UNC5D: variants seen among roughly 807,000 people sequenced by gnomAD.
The protein encoded by UNC5D is unc-5 netrin receptor D.
A neutral mutation model predicts 105.4 loss-of-function variants in UNC5D; 39 were observed. The observed-to-expected ratio is 0.37, with a 90% CI of 0.29 to 0.48. The LOEUF is 0.48. UNC5D is among the 20% of genes least tolerant of loss of function. The pLI is 0.98. For missense variants in UNC5D, 991 were observed against 1,202.4 expected (o/e 0.82, Z 2.60); for synonymous variants, 452 against 450.4 (o/e 1.00, Z -0.04).
intron 1 of UNC5D, among the ~76,000 whole-genome samples, chr8:35,243,272 T>C (rs978056806): frequency 6.6e-6 from 1 of 152,166 alleles, no homozygotes; most frequent in Non-Finnish European, 1.5e-5. Flanking sequence ...AAAACACAAA[T>C]GTCAATTTTA....
chr8:35,373,257 A>G (rs1802522454), intron 1 of UNC5D, among the ~76,000 whole-genome samples: 1 of 152,226 alleles, frequency 6.6e-6, no homozygotes. Flanking sequence ...ATAAGAGTGC[A>G]CAGTGAAATG....
chr8:35,415,117 G>A (rs1056982220), intron 1 of UNC5D, among the ~76,000 whole-genome samples: 23 of 152,094 alleles, frequency 1.5e-4, no homozygotes, highest in African/African-American at 5.3e-4. Flanking sequence ...TAGGAATTCT[G>A]CAGAGAGTAT....
chr8:35,308,568 C>T (rs1808618571), intron 1 of UNC5D, among the ~76,000 whole-genome samples: 1 of 152,120 alleles, frequency 6.6e-6, no homozygotes, highest in African/African-American at 2.4e-5. Flanking sequence ...ATCTCTTCAG[C>T]TTTATTAGAA....
intron 9 of UNC5D, among the ~76,000 whole-genome samples, chr8:35,725,256 G>A (rs927424411): frequency 2.0e-5 from 3 of 152,172 alleles, no homozygotes; most frequent in Admixed American, 2.0e-4. Flanking sequence ...ACTGATATGG[G>A]TGTGAAGCTT....
chr8:35,522,519 G>A (rs893112661), intron 1 of UNC5D, among the ~76,000 whole-genome samples: 3 of 152,176 alleles, frequency 2.0e-5, no homozygotes, highest in Non-Finnish European at 2.9e-5. Context: ...TTTTTGCAAA[G>A]AGAGGAAGTT....
intron 1 of UNC5D, among the ~76,000 whole-genome samples, chr8:35,312,670 T>C (rs1808984470): frequency 6.6e-6 from 1 of 152,136 alleles, no homozygotes; most frequent in African/African-American, 2.4e-5. Flanking sequence ...TCTCAGAATA[T>C]TTAGGAACCC....
chr8:35,705,189 C>T (rs544525234), intron 7 of UNC5D, among the ~76,000 whole-genome samples: 3 of 152,264 alleles, frequency 2.0e-5, no homozygotes, highest in Non-Finnish European at 2.9e-5. Flanking sequence ...TGGTCTCGAT[C>T]TCCTGACCTC....
At chr8:35,370,387 T>G (rs1802363330) in intron 1 of UNC5D, among the ~76,000 whole-genome samples, 1 of 152,242 alleles carries the variant, frequency 6.6e-6, no homozygotes. Context: ...CAATGAATCT[T>G]TAATATAACA....
Position 35,286,696 on chromosome 8 carries a change from T to C in UNC5D, c.103+50809T>C, listed in dbSNP as rs139094337. On this transcript the variant is annotated intron_variant, in intron 1 of 16. Transcript: ENST00000404895. ...GCAGTTGCAGGTCAGTGATTACCCA[T>C]GGAAAGAGCATCTGGCCACCACCAA... Among the ~76,000 whole-genome samples the C allele has an allele frequency of 1.1e-4, 16 of 152,268 alleles. No homozygotes were observed. The East Asian group carries it at 1.5e-3, about 15-fold the overall frequency.
At chr8:35,603,896 G>T (rs1820077813) in intron 4 of UNC5D, among the ~76,000 whole-genome samples, 1 of 151,876 alleles carries the variant, frequency 6.6e-6, no homozygotes, top group African/African-American at 2.4e-5. Context: ...CATTTGCTTG[G>T]TAGATCTTCC....
At position 35,726,423 on chromosome 8, in the gene UNC5D, T is replaced by C. The variant is rs372034876; in HGVS notation, c.1575T>C (p.Asn525=). 7 of 1,613,978 alleles carry C rather than the reference T, an allele frequency of 4.3e-6. No individual in the cohort carries two copies. The highest frequency in any genetic ancestry group is 5.9e-6 in the Non-Finnish European group (7 of 1,180,036). The stretch of plus-strand genomic sequence containing the variant: ...GCTTTAGTACAATGCATCCCAGAAA[T>C]AAAATGCCCTACATCCAAAATCTGT... ...NHSFSTMHPR[N]KMPYIQNLSS... is the part of the protein sequence containing the mutation. The change falls in exon 10 of 17, where the codon AAT becomes AAC. Residue 525 remains asparagine, a synonymous_variant. Coordinates refer to ENST00000404895, the MANE Select transcript of UNC5D (RefSeq NM_080872.4).
At chr8:35,414,903 A>G (rs572957586) in intron 1 of UNC5D, among the ~76,000 whole-genome samples, 1 of 151,954 alleles carries the variant, frequency 6.6e-6, no homozygotes, top group South Asian at 2.1e-4. Context: ...AAGACTCATT[A>G]TTTTTCTCTA....
intron 14 of UNC5D, among the ~76,000 whole-genome samples, chr8:35,760,722 C>T (rs1311751725): frequency 6.6e-6 from 1 of 152,064 alleles, no homozygotes; most frequent in Non-Finnish European, 1.5e-5. Context: ...TTTTACCCAT[C>T]AGCATAATGT....
intron 1 of UNC5D, among the ~76,000 whole-genome samples, chr8:35,419,272 T>C (rs1454046148): frequency 5.3e-5 from 8 of 152,200 alleles, no homozygotes; most frequent in Admixed American, 5.2e-4. Flanking sequence ...CAGAAATCTC[T>C]GCGGCCAGTG....
chr8:35,409,197 T>A (rs972238553), intron 1 of UNC5D, among the ~76,000 whole-genome samples: 1 of 152,108 alleles, frequency 6.6e-6, no homozygotes, highest in African/African-American at 2.4e-5. Context: ...ATAATGCTGC[T>A]TTAAAAATTC....
At chr8:35,600,138 T>C (rs1374689751) in intron 4 of UNC5D, among the ~76,000 whole-genome samples, 2 of 152,202 alleles carry the variant, frequency 1.3e-5, no homozygotes, top group Admixed American at 1.3e-4. Flanking sequence ...GAACTCATCA[T>C]TTTTTATGGC....
chr8:35,645,351 T>A (rs1822982895), intron 4 of UNC5D, among the ~76,000 whole-genome samples: 1 of 152,202 alleles, frequency 6.6e-6, no homozygotes, highest in Admixed American at 6.5e-5. Context: ...ATTGAATCCA[T>A]TGGCGTGCAT....
chr8:35,757,274 C>T (rs1191684923), intron 13 of UNC5D, among the ~76,000 whole-genome samples: 1 of 152,008 alleles, frequency 6.6e-6, no homozygotes, highest in Non-Finnish European at 1.5e-5. Flanking sequence ...ATACAAAGTC[C>T]TTAGCATAGC....
chr8:35,738,115 GAAAA>G (rs1354857799), intron 11 of UNC5D, among the ~76,000 whole-genome samples: 1 of 151,764 alleles, frequency 6.6e-6, no homozygotes, highest in East Asian at 1.9e-4. Context: ...GAAAAGAAAA[GAAAA>G]GAAAGAAAAT....
Sources: gnomAD v4.1 joint callset for allele counts (sites outside exome capture counted in the v4.1 genomes callset) on GRCh38, gnomAD v4.1.1 for gene constraint, MANE v1.5 for transcripts, NCBI Gene and HGNC (gene_info 2026-07-23, HGNC 2026-07-21) for gene names.